The following THRAP3 variants were observed in gnomAD, a reference collection of about 807,000 sequenced individuals.
The protein encoded by THRAP3 is thyroid hormone receptor-associated protein 3.
THRAP3 carries 16 observed loss-of-function variants against 101.0 expected under a neutral mutation model. That is an observed-to-expected ratio of 0.16 (90% confidence interval 0.11 to 0.24). The LOEUF (loss-of-function observed/expected upper bound fraction) is 0.24. THRAP3 is among the 10% of genes least tolerant of loss of function. THRAP3 has a pLI of 1.00. For synonymous variants in THRAP3, 407 were observed against 422.6 expected (o/e 0.96, Z 0.45); for missense variants, 989 against 1,202.7 (o/e 0.82, Z 2.63).
rs775451830 is a variant in THRAP3 at position 36,295,367 on chromosome 1, T to TA, written c.2116-1215dup. ...ACTGCTCATTTCTTCCTCCCTGAGT[T>TA]ACCTCCATGAGACAAATCCTAGTGT... On this transcript the variant is annotated intron_variant, in intron 8 of 11. Coordinates refer to ENST00000354618, the MANE Select transcript of THRAP3 (RefSeq NM_005119.4). Among the ~76,000 whole-genome samples the TA allele has an allele frequency of 1.5e-4, 23 of 152,342 alleles. 1 individual carries two copies. The highest frequency in any genetic ancestry group is 1.0e-3 in the Admixed American group (16 of 15,304).
intron 9 of THRAP3, among the ~76,000 whole-genome samples, chr1:36,298,314 T>C (rs1485806715): frequency 6.6e-6 from 1 of 152,022 alleles, no homozygotes; most frequent in Admixed American, 6.6e-5. Flanking sequence ...GGAATGGAAG[T>C]GGTAGTACAG....
At chr1:36,211,825 C>T in the THRAP3 span, among the ~76,000 whole-genome samples, 2 of 152,306 alleles carry the variant, frequency 1.3e-5, no homozygotes, top group African/African-American at 4.8e-5. Flanking sequence ...CTCCTCTCTT[C>T]CATAGGTGGC....
At chr1:36,294,438 A>G (rs1645919749) in intron 8 of THRAP3, among the ~76,000 whole-genome samples, 1 of 152,182 alleles carries the variant, frequency 6.6e-6, no homozygotes, top group African/African-American at 2.4e-5. Context: ...GCTAAAGATT[A>G]CTTTGATGGC....
At chr1:36,261,740 C>T (rs1368945477) in intron 2 of THRAP3, among the ~76,000 whole-genome samples, 1 of 152,030 alleles carries the variant, frequency 6.6e-6, no homozygotes, top group Admixed American at 6.6e-5. Context: ...TGGAAGCAAC[C>T]GGTCGGGTTC....
chr1:36,230,891 G>T (rs1176506165), intron 1 of THRAP3, among the ~76,000 whole-genome samples: 2 of 152,182 alleles, frequency 1.3e-5, no homozygotes, highest in Non-Finnish European at 2.9e-5. Context: ...TGAAAAAGCA[G>T]ATCTGGCAGC....
chr1:36,242,408 C>T (rs1471628331), intron 1 of THRAP3, among the ~76,000 whole-genome samples: 3 of 150,978 alleles, frequency 2.0e-5, no homozygotes, highest in African/African-American at 7.3e-5. Flanking sequence ...CCAGCTTAGT[C>T]TCTCAAAGTG....
rs763697394 is a variant in THRAP3 at position 36,286,218 on chromosome 1, C to A, written c.138-150C>A. On this transcript the variant is annotated intron_variant, in intron 3 of 11. Coordinates refer to ENST00000354618, the MANE Select transcript of THRAP3 (RefSeq NM_005119.4). This position sits in a 1 kb window ranked among gnomAD's most constrained non-coding sequence, Gnocchi z 5.5. ...GTTTTTGTACTTAGTAAGGGCCATA[C>A]GTAGTGGGATTAAATATTTGTGCCC... The A allele has an allele frequency of 1.4e-6, 1 of 701,752 alleles. No homozygotes were observed. The highest frequency in any genetic ancestry group is 2.4e-6 in the Non-Finnish European group (1 of 424,630). 43.5% of individuals were successfully genotyped at this position (701,752 alleles called of 1,614,324 possible).
At chr1:36,252,968 A>ATG (rs1240675869) in intron 1 of THRAP3, among the ~76,000 whole-genome samples, 13 of 133,984 alleles carry the variant, frequency 9.7e-5, no homozygotes, top group African/African-American at 3.2e-4. Context: ...ATATATATAT[A>ATG]TAAATGTAAA....
rs1335152669 is a variant in THRAP3, at chr1:36,305,188, C to T, written c.*1171C>T. On this transcript the variant is annotated 3_prime_UTR_variant, in exon 12 of 12. Coordinates refer to ENST00000354618, the MANE Select transcript of THRAP3 (RefSeq NM_005119.4). ...TGCGGACTGCACCCACCTCTCCCCC[C>T]CAGCCTTTGCCTCTTGCGTTGTTGT... 8 of 221,850 alleles carry T rather than the reference C, an allele frequency of 3.6e-5. No homozygotes were observed. The highest frequency in any genetic ancestry group is 6.3e-5 in the Non-Finnish European group (7 of 110,928). The allele number at this position is 221,850 out of a possible 1,614,324, so 13.7% of individuals were successfully genotyped here.
At chr1:36,209,342 T>C in the THRAP3 span, among the ~76,000 whole-genome samples, 137 of 152,286 alleles carry the variant, frequency 9.0e-4, no homozygotes, top group Middle Eastern at 6.8e-3. Flanking sequence ...GATGAAGAGT[T>C]TCTCAACCTT....
chr1:36,265,396 G>A (rs1018291000), intron 2 of THRAP3, among the ~76,000 whole-genome samples: 2 of 150,886 alleles, frequency 1.3e-5, no homozygotes, highest in Non-Finnish European at 2.9e-5. Context: ...CAAAGTCACA[G>A]TATGAGCCTG....
intron 3 of THRAP3, among the ~76,000 whole-genome samples, chr1:36,285,455 G>T (rs549163050): frequency 3.3e-5 from 5 of 152,174 alleles, no homozygotes; most frequent in Admixed American, 3.3e-4. Context: ...TGACACTCAG[G>T]AATGTACAGT....
chr1:36,276,076 A>G (rs933403774), intron 2 of THRAP3, among the ~76,000 whole-genome samples: 6 of 152,106 alleles, frequency 3.9e-5, no homozygotes, highest in South Asian at 2.1e-4. Flanking sequence ...ATAATGGATC[A>G]TAGACCTACA....
rs924867689 is a variant in THRAP3, at chr1:36,288,248, C to T, written c.1041-812C>T. 8 of 743,142 alleles carry T rather than the reference C, an allele frequency of 1.1e-5. No homozygotes were observed. In the African/African-American group the frequency reaches 1.3e-4, roughly 12 times the overall value. The allele number at this position is 743,142 out of a possible 1,614,324, so 46.0% of individuals were successfully genotyped here. On this transcript the variant is annotated intron_variant, in intron 4 of 11. Transcript: ENST00000354618. ...AATGGTGATTTCTGAGGTTTTGGTGCACCCATCACCTGAGCAGTGTACACT... is the reference window on the plus strand; with the variant it reads ...AATGGTGATTTCTGAGGTTTTGGTGTACCCATCACCTGAGCAGTGTACACT...
At chr1:36,283,210 C>T (rs754347966) in intron 3 of THRAP3, among the ~76,000 whole-genome samples, 15 of 152,218 alleles carry the variant, frequency 9.9e-5, no homozygotes, top group Non-Finnish European at 1.3e-4. Context: ...GTAAATGTAT[C>T]TTAAAACTTT....
At chr1:36,238,510 G>A (rs748855103) in intron 1 of THRAP3, among the ~76,000 whole-genome samples, 4 of 152,080 alleles carry the variant, frequency 2.6e-5, no homozygotes, top group South Asian at 2.1e-4. Context: ...GTTGCCTTCA[G>A]GATACTGGAT....
intron 8 of THRAP3, among the ~76,000 whole-genome samples, chr1:36,295,575 T>TCCTCCCTC (rs1557456490): frequency 7.2e-6 from 1 of 139,214 alleles, no homozygotes; most frequent in East Asian, 2.1e-4. Context: ...CTTCCTTCCT[T>TCCTCCCTC]CCCTCCTCCC....
the THRAP3 span, among the ~76,000 whole-genome samples, chr1:36,208,666 A>AT: frequency 3.3e-5 from 5 of 151,888 alleles, no homozygotes; most frequent in East Asian, 5.8e-4. Flanking sequence ...CAACATAATA[A>AT]TTTTTTTTGT....
intron 1 of THRAP3, among the ~76,000 whole-genome samples, chr1:36,226,370 C>T (rs915358521): frequency 3.9e-5 from 6 of 152,158 alleles, no homozygotes; most frequent in Non-Finnish European, 8.8e-5. Context: ...AGCGATTCTC[C>T]TGCTTCTGCC....
Sources: gnomAD v4.1 joint callset for allele counts (sites outside exome capture counted in the v4.1 genomes callset) on GRCh38, gnomAD v4.1.1 for gene constraint, Gnocchi (gnomAD v3.1) non-coding constraint, MANE v1.5 for transcripts, NCBI Gene and HGNC (gene_info 2026-07-23, HGNC 2026-07-21) for gene names.